The following EGFLAM variants were observed in gnomAD, a reference collection of about 807,000 sequenced individuals.
EGFLAM encodes the protein pikachurin.
EGFLAM carries 79 observed loss-of-function variants against 113.1 expected under a neutral mutation model. The observed-to-expected ratio is 0.70, with a 90% confidence interval of 0.58 to 0.84. EGFLAM has a LOEUF of 0.84. EGFLAM is among the 40% of genes least tolerant of loss of function. The pLI, the probability that EGFLAM is intolerant of heterozygous loss-of-function variation, is 0.00. For synonymous variants in EGFLAM, 504 were observed against 487.6 expected (o/e 1.03, Z -0.44); for missense variants, 1,265 against 1,291.6 (o/e 0.98, Z 0.32).
At chr5:38,405,807 T>C (rs1421278428) in intron 6 of EGFLAM, among the ~76,000 whole-genome samples, 2 of 152,210 alleles carry the variant, frequency 1.3e-5, no homozygotes, top group East Asian at 1.9e-4. Context: ...TGGACCAGTT[T>C]ATACAAGTAC....
chr5:38,327,790 C>T (rs1738929453), intron 1 of EGFLAM, among the ~76,000 whole-genome samples: 1 of 151,964 alleles, frequency 6.6e-6, no homozygotes, highest in Non-Finnish European at 1.5e-5. Context: ...TAGTACAGTG[C>T]TGTCAACTGA....
intron 6 of EGFLAM, among the ~76,000 whole-genome samples, chr5:38,382,067 G>A (rs959782303): frequency 7.9e-5 from 12 of 152,062 alleles, no homozygotes; most frequent in Non-Finnish European, 7.4e-5. Flanking sequence ...TTGTGTTATC[G>A]CCAAATAGAA....
intron 16 of EGFLAM, 140 bp from the exon 17 acceptor site, chr5:38,438,135 A>AG: frequency 1.3e-6 from 1 of 778,474 alleles, no homozygotes; most frequent in South Asian, 3.2e-5. Context: ...AAAAAAAAAA[A>AG]AAAAAGTGGA....
chr5:38,436,127 A>G (rs1192601648), intron 16 of EGFLAM, among the ~76,000 whole-genome samples: 1 of 151,780 alleles, frequency 6.6e-6, no homozygotes, highest in Non-Finnish European at 1.5e-5. Context: ...GCTCTCTTTT[A>G]TTCCTTCTCT....
chr5:38,395,365 C>T (rs531488105), intron 6 of EGFLAM, among the ~76,000 whole-genome samples: 222 of 151,826 alleles, frequency 1.5e-3, no homozygotes, highest in African/African-American at 3.7e-3. Flanking sequence ...TGCCTCAGCT[C>T]CCCCACCAAG....
chr5:38,302,913 A>T (rs1758630581), intron 1 of EGFLAM, among the ~76,000 whole-genome samples: 2 of 152,032 alleles, frequency 1.3e-5, no homozygotes, highest in East Asian at 1.9e-4. Context: ...CATCCTCACT[A>T]CTCCTGGCTA....
At chr5:38,403,657 G>C (rs139691697) in intron 6 of EGFLAM, 3 of 981,386 alleles carry the variant, frequency 3.1e-6, no homozygotes, top group Non-Finnish European at 1.4e-6. Context: ...CTATTTCATC[G>C]TGCTACTCAG....
intron 1 of EGFLAM, among the ~76,000 whole-genome samples, chr5:38,295,051 T>G (rs1758420874): frequency 6.6e-6 from 1 of 152,198 alleles, no homozygotes; most frequent in African/African-American, 2.4e-5. Context: ...GGTCTCGAAC[T>G]CCTGACCTCA....
chr5:38,417,347 C>CAAAAAAAAAAAAAAAAAAAAAA (rs752613827), intron 11 of EGFLAM, among the ~76,000 whole-genome samples: 1 of 78,474 alleles, frequency 1.3e-5, no homozygotes. Flanking sequence ...GACTCTGTCT[C>CAAAAAAAAAAAAAAAAAAAAAA]AAAAAAAAAA....
intron 1 of EGFLAM, among the ~76,000 whole-genome samples, chr5:38,308,405 T>G (rs932275080): frequency 1.3e-5 from 2 of 152,202 alleles, no homozygotes; most frequent in Non-Finnish European, 2.9e-5. Context: ...TGCTGAAGGC[T>G]GGGATGTACC....
chr5:38,430,610 A>T (rs1050750144), intron 14 of EGFLAM, among the ~76,000 whole-genome samples: 12 of 152,276 alleles, frequency 7.9e-5, no homozygotes, highest in African/African-American at 2.9e-4. Flanking sequence ...TTCTATGTTC[A>T]TCAGGGTTCT....
chr5:38,394,934 G>A (rs1740917569), intron 6 of EGFLAM, among the ~76,000 whole-genome samples: 1 of 151,552 alleles, frequency 6.6e-6, no homozygotes. Flanking sequence ...TTGAATATAG[G>A]GTTTTTTTAA....
chr5:38,319,545 G>T (rs767049694), intron 1 of EGFLAM, among the ~76,000 whole-genome samples: 1 of 152,124 alleles, frequency 6.6e-6, no homozygotes, highest in Non-Finnish European at 1.5e-5. Context: ...GACATTCTAC[G>T]GGCTATTGGG....
At chr5:38,425,250 TC>T (rs1419041334) in intron 13 of EGFLAM, among the ~76,000 whole-genome samples, 158 bp downstream of exon 13, 1 of 152,208 alleles carries the variant, frequency 6.6e-6, no homozygotes, top group East Asian at 1.9e-4. Flanking sequence ...GCATCTCGGC[TC>T]ACTGCAACCT....
intron 12 of EGFLAM, among the ~76,000 whole-genome samples, chr5:38,418,938 A>G (rs971916489): frequency 1.3e-5 from 2 of 152,192 alleles, no homozygotes; most frequent in Admixed American, 6.5e-5. Flanking sequence ...CCATAACAAA[A>G]TACTGCAGAC....
chr5:38,263,720 T>C (rs1757561177), intron 1 of EGFLAM, among the ~76,000 whole-genome samples: 1 of 152,232 alleles, frequency 6.6e-6, no homozygotes, highest in African/African-American at 2.4e-5. Context: ...GCTGCAAAGA[T>C]GTTTCCCTAT....
At position 38,446,589 on chromosome 5, in the gene EGFLAM, G is replaced by A. The variant is rs556235641; in HGVS notation, c.2465-1712G>A. 4.6e-5 allele frequency among the ~76,000 whole-genome samples: 7 copies of A among 152,216 alleles called. No homozygotes were observed. In the East Asian group the frequency reaches 1.2e-3, roughly 25 times the overall value. On this transcript the variant is annotated intron_variant, in intron 17 of 21. Transcript: ENST00000322350. ...GGTGCAGCCCCAAACTAAGTGACAA[G>A]AGCCTTCATCTCCGGCCCTGCTAGG...
rs761897160 is a variant in EGFLAM at position 38,451,328 on chromosome 5, A to C, written c.2557A>C (p.Arg853=). 3 of 1,613,500 alleles carry C rather than the reference A, an allele frequency of 1.9e-6. No homozygotes were observed. The highest frequency in any genetic ancestry group is 2.5e-6 in the Non-Finnish European group (3 of 1,179,566). The change falls in exon 19 of 22, where the codon AGA becomes CGA. Residue 853 remains arginine, a synonymous_variant. Coordinates refer to ENST00000322350, the MANE Select transcript of EGFLAM (RefSeq NM_152403.4). ...TATTTCCTCCAGGGTGTCAGGATCAAGATCAAATGTGTTCATGAGGTTTAA... is the reference window on the plus strand; with the variant it reads ...TATTTCCTCCAGGGTGTCAGGATCACGATCAAATGTGTTCATGAGGTTTAA... ...PDILKRVSGS[R]SNVFMRFKTT...
intron 1 of EGFLAM, among the ~76,000 whole-genome samples, chr5:38,302,709 C>CA (rs56012054): frequency 0.065 from 7,470 of 115,360 alleles, 520 homozygotes; most frequent in African/African-American, 0.18. Flanking sequence ...GTCTGAGAAT[C>CA]AAAAAAAAAA....
Sources: allele counts gnomAD v4.1 joint callset (sites outside exome capture counted in the v4.1 genomes callset), GRCh38; gene constraint gnomAD v4.1.1; transcripts MANE v1.5; gene names NCBI Gene and HGNC (gene_info 2026-07-23, HGNC 2026-07-21).